Variants in C4orf50 observed in about 807,000 individuals in gnomAD.
C4orf50 encodes chromosome 4 open reading frame 50.
A neutral mutation model predicts 77.2 loss-of-function variants in C4orf50; 80 were observed. That is an observed-to-expected ratio of 1.04 (90% CI 0.87 to 1.25). The LOEUF is 1.25. Among genes scored for constraint, C4orf50 ranks in the 50% most tolerant of loss-of-function variants. The pLI, the probability that C4orf50 is intolerant of heterozygous loss-of-function variation, is 0.00. For missense variants in C4orf50, 1,257 were observed against 1,152.9 expected (o/e 1.09, Z -1.31); for synonymous variants, 532 against 465.3 (o/e 1.14, Z -1.84).
intron 7 of C4orf50, among the ~76,000 whole-genome samples, chr4:5,940,026 G>A (rs1022031978): frequency 2.6e-5 from 4 of 152,238 alleles, no homozygotes; most frequent in African/African-American, 9.6e-5. Context: ...CCATGGAAAA[G>A]CATGAAGCTC....
In C4orf50 at chr4:5,905,665, CTCTT is replaced by C. The variant is rs1716515041; in HGVS notation, c.*2475-7481_*2475-7478del. On this transcript the variant is annotated intron_variant, in intron 7 of 7. Coordinates refer to the C4orf50 transcript ENST00000324058. This position sits in a 1 kb window ranked among gnomAD's most constrained non-coding sequence, Gnocchi z 5.4. ...TAGCTTGGAATTATTAGATAATGCTCTCTTTATTTGGGGTGCTTCAGACCCTTGA... is the reference window on the plus strand; with the variant it reads ...TAGCTTGGAATTATTAGATAATGCTCTATTTGGGGTGCTTCAGACCCTTGA... Among the ~76,000 whole-genome samples, 1 of 152,174 alleles carries C rather than the reference CTCTT, an allele frequency of 6.6e-6. No individual in the cohort carries two copies. Among genetic ancestry groups the C allele is most frequent in the Admixed American group, 6.5e-5 (1 of 15,272 alleles).
chr4:5,997,243 A>G (rs1191557751), intron 25 of C4orf50, among the ~76,000 whole-genome samples: 1 of 152,246 alleles, frequency 6.6e-6, no homozygotes, highest in Non-Finnish European at 1.5e-5. Context: ...TATCATACCC[A>G]GGCTGACTTC....
chr4:6,004,966 C>T (rs2108806864), intron 25 of C4orf50, among the ~76,000 whole-genome samples: 1 of 152,252 alleles, frequency 6.6e-6, no homozygotes, highest in South Asian at 2.1e-4. Context: ...CACAACCACA[C>T]CAGGATGCAC....
chr4:5,928,010 G>A (rs1395357862), intron 7 of C4orf50, among the ~76,000 whole-genome samples: 1 of 152,134 alleles, frequency 6.6e-6, no homozygotes, highest in Non-Finnish European at 1.5e-5. Context: ...TGCCTCACTC[G>A]CCTGAGTACC....
chr4:5,973,047 T>C (rs1720024926), intron 31 of C4orf50, among the ~76,000 whole-genome samples: 1 of 152,208 alleles, frequency 6.6e-6, no homozygotes, highest in African/African-American at 2.4e-5. Context: ...TTCTTCCAGG[T>C]TTGTGGCAGA....
At chr4:5,988,776 C>G (rs1345791296) in exon 28 of C4orf50, 4 of 1,536,126 alleles carry the variant, frequency 2.6e-6, no homozygotes, top group Non-Finnish European at 3.5e-6. Context: ...GTAGAAGGTG[C>G]TCGTTCTCCC....
chr4:5,922,287 G>C (rs1717311025), intron 7 of C4orf50, among the ~76,000 whole-genome samples: 1 of 152,204 alleles, frequency 6.6e-6, no homozygotes, highest in Admixed American at 6.5e-5. Flanking sequence ...AGAATCCCAG[G>C]AGGTGTGTCT....
intron 7 of C4orf50, among the ~76,000 whole-genome samples, chr4:5,939,176 G>A (rs371563386): frequency 1.6e-4 from 25 of 152,258 alleles, no homozygotes; most frequent in African/African-American, 6.0e-4. Flanking sequence ...CTGGGAGGCA[G>A]AGGTTGCAGT....
chr4:5,961,580 G>A (rs886709817), intron 33 of C4orf50, among the ~76,000 whole-genome samples: 2 of 152,202 alleles, frequency 1.3e-5, no homozygotes, highest in African/African-American at 2.4e-5. Flanking sequence ...GTGAAGTGCT[G>A]TGCCCAAGGC....
chr4:5,933,684 G>A (rs1305414133), intron 7 of C4orf50, among the ~76,000 whole-genome samples: 7 of 152,238 alleles, frequency 4.6e-5, no homozygotes, highest in Non-Finnish European at 8.8e-5. Context: ...GACTACGGTC[G>A]TGCCTCCCTG....
At chr4:5,928,316 T>C (rs576560095) in intron 7 of C4orf50, among the ~76,000 whole-genome samples, 3 of 152,070 alleles carry the variant, frequency 2.0e-5, no homozygotes, top group Admixed American at 2.0e-4. Context: ...GCAAAACCTT[T>C]CATGGGCTAG....
At chr4:5,955,627 C>G (rs553679355), downstream of C4orf50, among the ~76,000 whole-genome samples, 59 of 152,270 alleles carry the variant, frequency 3.9e-4, no homozygotes, top group African/African-American at 1.4e-3. The surrounding 1 kb of genome is among the most constrained non-coding windows in gnomAD (Gnocchi z 5.1). Flanking sequence ...AGCCCAAAGG[C>G]CACTTCTCAG....
intron 7 of C4orf50, chr4:5,902,188 C>T (rs1160313464): frequency 6.6e-6 from 1 of 152,184 alleles, no homozygotes; most frequent in Non-Finnish European, 1.5e-5. Flanking sequence ...GGAAAACATG[C>T]CGTCTTTTTA....
intron 7 of C4orf50, among the ~76,000 whole-genome samples, chr4:5,926,670 C>T (rs1189113277): frequency 2.6e-5 from 4 of 151,906 alleles, no homozygotes; most frequent in East Asian, 1.9e-4. Context: ...CCTGTGTCCC[C>T]GGGCCCACAG....
At chr4:5,922,337 G>A (rs537025718) in intron 7 of C4orf50, among the ~76,000 whole-genome samples, 84 of 152,326 alleles carry the variant, frequency 5.5e-4, no homozygotes, top group Admixed American at 1.2e-3. Context: ...CCTTAAGTCC[G>A]TGTTTCCTAC....
intron 27 of C4orf50, 35 bp from the exon 6 acceptor site, chr4:5,990,859 G>A: frequency 2.5e-6 from 1 of 399,096 alleles, no homozygotes; most frequent in Non-Finnish European, 4.4e-6. Context: ...GTGTGAAACA[G>A]CCCCTTCCTC....
At position 6,008,276 on chromosome 4, in the gene C4orf50, G is replaced by C. The variant is rs1722334818; in HGVS notation, c.683C>G (p.Pro228Arg). Residue 228 changes from proline to arginine, a missense_variant, in exon 25 of 34, where the codon CCA (proline) becomes CGA (arginine). Transcript: ENST00000531445. The surrounding 1 kb of genome is among the most constrained non-coding windows in gnomAD (Gnocchi z 6.0). ...CGCCTCGGTGGCGCCCTGGGAGCCT[G>C]GGGCCGCGGTGTCCCACTGGGCCAG... 1 of 391,832 alleles carries C rather than the reference G, an allele frequency of 2.6e-6. No individual in the cohort carries two copies. Among genetic ancestry groups the C allele is most frequent in the Non-Finnish European group, 4.5e-6 (1 of 221,790 alleles). The allele number at this position is 391,832 out of a possible 1,614,324, so 24.3% of individuals were successfully genotyped here. A position where few individuals can be genotyped will look rare whatever the true frequency, so the allele number is the denominator to read the frequency against.
At position 6,017,654 on chromosome 4, in the gene C4orf50, G is replaced by A. The variant is rs1441162710; in HGVS notation, c.287+491C>T. 6.6e-6 allele frequency among the ~76,000 whole-genome samples: 1 copy of A among 152,144 alleles called. No homozygotes were observed. Among genetic ancestry groups the A allele is most frequent in the African/African-American group, 2.4e-5 (1 of 41,434 alleles). On this transcript the variant is annotated intron_variant, in intron 23 of 33. Coordinates refer to ENST00000531445, the Ensembl canonical transcript of C4orf50. The surrounding 1 kb of genome is among the most constrained non-coding windows in gnomAD (Gnocchi z 4.7). Reference sequence around the variant, plus strand: ...GGATATAAGCCCTGGGTTGGGGATGGAAGGTTTGCTGTGTGGACATCTACT... The same window carrying A: ...GGATATAAGCCCTGGGTTGGGGATGAAAGGTTTGCTGTGTGGACATCTACT...
intron 7 of C4orf50, among the ~76,000 whole-genome samples, chr4:5,939,026 G>A (rs1553914186): frequency 6.6e-6 from 1 of 152,104 alleles, no homozygotes; most frequent in Non-Finnish European, 1.5e-5. Flanking sequence ...GGGATCACCC[G>A]AGGTCAGGAG....
Sources: allele counts gnomAD v4.1 joint callset (sites outside exome capture counted in the v4.1 genomes callset), GRCh38; gene constraint gnomAD v4.1.1; non-coding constraint Gnocchi (gnomAD v3.1); transcripts MANE v1.5; gene names NCBI Gene and HGNC (gene_info 2026-07-23, HGNC 2026-07-21).